Variants in ALPK2 observed in about 807,000 individuals in gnomAD.
ALPK2 encodes alpha-protein kinase 2.
ALPK2 carries 127 observed loss-of-function variants against 163.1 expected under a neutral mutation model. That is an observed-to-expected ratio of 0.78 (90% CI 0.67 to 0.90). ALPK2 has a LOEUF of 0.90. Ranked by LOEUF, ALPK2 falls within the 40% of genes least tolerant of loss-of-function variation. ALPK2 has a pLI of 0.00. For synonymous variants in ALPK2, 953 were observed against 959.1 expected (o/e 0.99, Z 0.12); for missense variants, 2,360 against 2,589.6 (o/e 0.91, Z 1.92).
chr18:58,529,012 T>C (rs750657080), intron 6 of ALPK2, 79 bp downstream of exon 6: 19 of 1,568,340 alleles, frequency 1.2e-5, no homozygotes, highest in Middle Eastern at 1.7e-4. Flanking sequence ...CTATAATTTA[T>C]TCTTTTTTCT....
intron 4 of ALPK2, among the ~76,000 whole-genome samples, chr18:58,573,480 C>T (rs1224648046): frequency 1.4e-5 from 2 of 147,836 alleles, no homozygotes; most frequent in East Asian, 2.0e-4. Flanking sequence ...TGGGCTCAAG[C>T]GAGTCCAACG....
At position 58,628,583 on chromosome 18, in the gene ALPK2, T is replaced by C. The variant is rs143504202; in HGVS notation, c.-21+181A>G. Among the ~76,000 whole-genome samples, 36 of 152,314 alleles carry C rather than the reference T, an allele frequency of 2.4e-4. No homozygotes were observed. In the East Asian group the frequency reaches 6.7e-3, roughly 29 times the overall value. On this transcript the variant is annotated intron_variant, in intron 1 of 12. Coordinates refer to ENST00000361673, the MANE Select transcript of ALPK2 (RefSeq NM_052947.4). ...AAAATGGACTTAAATTACAAGACCA[T>C]GAGAGTTTGCCCACTTTAAAACCTT...
chr18:58,594,494 C>A (rs1257432021), intron 3 of ALPK2, among the ~76,000 whole-genome samples: 1 of 152,184 alleles, frequency 6.6e-6, no homozygotes, highest in Non-Finnish European at 1.5e-5. Flanking sequence ...TAAATCTATT[C>A]TCTGAAAGGC....
At chr18:58,573,266 A>ATATATGTATATATGTGTATATATGTG (rs1197357765) in intron 4 of ALPK2, among the ~76,000 whole-genome samples, 3,547 of 28,108 alleles carry the variant, frequency 0.13, 678 homozygotes, top group Non-Finnish European at 0.13. Context: ...ATATATGTGT[A>ATATATGTATATATGTGTATATATGTG]TATATATGTA....
At chr18:58,627,532 G>A (rs568018745) in intron 1 of ALPK2, among the ~76,000 whole-genome samples, 24 of 152,318 alleles carry the variant, frequency 1.6e-4, no homozygotes, top group Admixed American at 5.2e-4. Flanking sequence ...GGCTGAGGCA[G>A]GAGAATCGCT....
chr18:58,525,345 C>G (rs919086715), intron 6 of ALPK2, among the ~76,000 whole-genome samples: 1 of 152,182 alleles, frequency 6.6e-6, no homozygotes, highest in African/African-American at 2.4e-5. Context: ...GGGAAGACTT[C>G]CGGACAGGGC....
At chr18:58,516,863 TG>T in intron 9 of ALPK2, 44 bp downstream of exon 9, 1 of 1,589,196 alleles carries the variant, frequency 6.3e-7, no homozygotes, top group Middle Eastern at 1.9e-4. Context: ...TTATCATGGG[TG>T]GTTCTCACAC....
intron 3 of ALPK2, among the ~76,000 whole-genome samples, chr18:58,605,485 G>A (rs892384504): frequency 1.8e-4 from 27 of 152,266 alleles, no homozygotes; most frequent in Admixed American, 1.2e-3. Context: ...CAGGCTCTAG[G>A]GGATGTTTGT....
At position 58,585,308 on chromosome 18, in the gene ALPK2, A is replaced by C. The variant is rs965391750; in HGVS notation, c.228-4760T>G. 7.2e-5 allele frequency among the ~76,000 whole-genome samples: 11 copies of C among 152,382 alleles called. No homozygotes were observed. The East Asian group carries it at 1.9e-3, about 27-fold the overall frequency. On this transcript the variant is annotated intron_variant, in intron 3 of 12. Coordinates refer to ENST00000361673, the MANE Select transcript of ALPK2 (RefSeq NM_052947.4). Reference sequence around the variant, plus strand: ...ATTTAGTTCATTTTAAAATAACAAGAATAAATTCATTGCACATTAGCATAA... The same window carrying C: ...ATTTAGTTCATTTTAAAATAACAAGCATAAATTCATTGCACATTAGCATAA...
intron 4 of ALPK2, among the ~76,000 whole-genome samples, chr18:58,571,225 T>C (rs1333318667): frequency 6.6e-6 from 1 of 151,986 alleles, no homozygotes; most frequent in African/African-American, 2.4e-5. Context: ...ATTCACCATG[T>C]TGGCCAGGCT....
At chr18:58,503,694 GTC>G (rs1491160788) in intron 11 of ALPK2, among the ~76,000 whole-genome samples, 2 of 152,134 alleles carry the variant, frequency 1.3e-5, no homozygotes, top group Non-Finnish European at 2.9e-5. Context: ...GTGAGACCCT[GTC>G]CCCCCCTAGA....
chr18:58,572,717 A>G (rs886189909), intron 4 of ALPK2, among the ~76,000 whole-genome samples: 2 of 152,180 alleles, frequency 1.3e-5, no homozygotes, highest in Non-Finnish European at 1.5e-5. Context: ...CCAAAGGGAG[A>G]GGGCAGGAAG....
chr18:58,483,762 A>G (rs1445251373), intron 12 of ALPK2, among the ~76,000 whole-genome samples: 2 of 146,468 alleles, frequency 1.4e-5, no homozygotes, highest in Non-Finnish European at 3.0e-5. Context: ...ACAGGGCTTC[A>G]CCATGTTGGC....
chr18:58,578,827 CTCCAG>C lies in ALPK2; in HGVS notation c.1944_1948del (p.Asp648GlufsTer2). Reference sequence around the variant, plus strand: ...GAAAAGTCTTACCTGAGGAGGATCACTCCAGTCTGGAACCTGGCTTGTTTCAAATA... The same window carrying C: ...GAAAAGTCTTACCTGAGGAGGATCACTCTGGAACCTGGCTTGTTTCAAATA... On this transcript the variant is annotated frameshift_variant, in exon 4 of 13. Transcript: ENST00000361673. LOFTEE classifies it high-confidence loss of function. 1 of 1,612,508 alleles carries C rather than the reference CTCCAG, an allele frequency of 6.2e-7. No homozygotes were observed. Among genetic ancestry groups the C allele is most frequent in the South Asian group, 1.1e-5 (1 of 90,958 alleles).
Position 58,535,415 on chromosome 18 carries a change from A to G in ALPK2, c.4772T>C (p.Ile1591Thr), listed in dbSNP as rs1381440845. 1 of 1,614,218 alleles carries G rather than the reference A, an allele frequency of 6.2e-7. No individual in the cohort carries two copies. The highest frequency in any genetic ancestry group is 8.5e-7 in the Non-Finnish European group (1 of 1,180,024). ...CAAAGGTTTCCCACGCTCATTCTCAATAGTTCCCCTTTTCTGTGAAACAGG... is the reference window on the plus strand; with the variant it reads ...CAAAGGTTTCCCACGCTCATTCTCAGTAGTTCCCCTTTTCTGTGAAACAGG... ...VFPVSQKRGTIENERGKPLPS... is the reference protein window; with the variant it reads ...VFPVSQKRGTTENERGKPLPS... Residue 1591 changes from isoleucine (I) to threonine (T), a missense_variant, in exon 5 of 13, where the codon ATT becomes ACT. Physicochemically the swap from Ile to Thr is moderately conservative, Grantham distance 89. Transcript: ENST00000361673.
At chr18:58,520,916 T>G (rs2051547167) in intron 8 of ALPK2, among the ~76,000 whole-genome samples, 1 of 152,174 alleles carries the variant, frequency 6.6e-6, no homozygotes, top group Admixed American at 6.5e-5. Context: ...CTCAGGAGGC[T>G]TAGGTGGGAG....
rs746953018 is a variant in ALPK2 at position 58,536,665 on chromosome 18, G to T, written c.3522C>A (p.His1174Gln). The T allele has an allele frequency of 2.5e-6, 4 of 1,614,052 alleles. No individual in the cohort carries two copies. The highest frequency in any genetic ancestry group is 3.4e-6 in the Non-Finnish European group (4 of 1,180,024). Residue 1174 changes from histidine to glutamine, a missense_variant, in exon 5 of 13, where the codon CAC (histidine) becomes CAA (glutamine). Physicochemically the swap from His to Gln is conservative, Grantham distance 24. Coordinates refer to ENST00000361673, the MANE Select transcript of ALPK2 (RefSeq NM_052947.4). ...CTCCTTCCCTAGAGCTTGCGGGTGAGTGGGCCGTGGGCACCAAGTTTCTTT... is the reference window on the plus strand; with the variant it reads ...CTCCTTCCCTAGAGCTTGCGGGTGATTGGGCCGTGGGCACCAAGTTTCTTT... ...QEERNLVPTA[H>Q]SPASSREGAG...
At chr18:58,499,930 G>A (rs2051423074) in intron 11 of ALPK2, among the ~76,000 whole-genome samples, 1 of 152,268 alleles carries the variant, frequency 6.6e-6, no homozygotes, top group Non-Finnish European at 1.5e-5. Flanking sequence ...GTGGAGTGCT[G>A]TTTCTGAGGC....
intron 3 of ALPK2, among the ~76,000 whole-genome samples, chr18:58,600,141 A>G (rs938100485): frequency 2.1e-5 from 3 of 141,070 alleles, no homozygotes; most frequent in Non-Finnish European, 4.5e-5. Flanking sequence ...GGTTCAAGTG[A>G]TTCTCATGCC....
Sources: gnomAD v4.1 joint callset for allele counts (sites outside exome capture counted in the v4.1 genomes callset) on GRCh38, gnomAD v4.1.1 for gene constraint, MANE v1.5 for transcripts, NCBI Gene and HGNC (gene_info 2026-07-23, HGNC 2026-07-21) for gene names.